CFAP61: variants seen among roughly 807,000 people sequenced by gnomAD.
CFAP61 encodes cilia- and flagella-associated protein 61.
A neutral mutation model predicts 135.6 loss-of-function variants in CFAP61; 107 were observed. The observed-to-expected ratio is 0.79, with a 90% CI of 0.67 to 0.93. CFAP61 has a LOEUF of 0.93. CFAP61 is among the 40% of genes least tolerant of loss of function. CFAP61 has a pLI of 0.00. For synonymous variants in CFAP61, 575 were observed against 578.5 expected (o/e 0.99, Z 0.09); for missense variants, 1,507 against 1,556.2 (o/e 0.97, Z 0.53).
chr20:20,237,119 A>T (rs1355001377), intron 18 of CFAP61, among the ~76,000 whole-genome samples: 1 of 152,060 alleles, frequency 6.6e-6, no homozygotes. Context: ...GTAAGGATTT[A>T]TGTGTTTATT....
At chr20:20,105,029 G>C (rs1252240332) in intron 8 of CFAP61, among the ~76,000 whole-genome samples, 1 of 152,112 alleles carries the variant, frequency 6.6e-6, no homozygotes, top group East Asian at 1.9e-4. Flanking sequence ...GGGGTGGGAG[G>C]AGGCACACTA....
chr20:20,315,925 G>T (rs2057108746), intron 25 of CFAP61, among the ~76,000 whole-genome samples: 1 of 152,146 alleles, frequency 6.6e-6, no homozygotes, highest in South Asian at 2.1e-4. Context: ...GTACCATGCT[G>T]TTTTGGTTAC....
In CFAP61 at chr20:20,070,934, A is replaced by G; in HGVS notation, c.224A>G (p.Asn75Ser). Residue 75 changes from asparagine (N) to serine (S), a missense_variant, in exon 3 of 27, where the codon AAC (asparagine) becomes AGC (serine). Asn to Ser is a conservative substitution (Grantham distance 46). Coordinates refer to ENST00000245957, the MANE Select transcript of CFAP61 (RefSeq NM_015585.4). ...MAQATFLDYP[N>S]WNVAKQDDWV... is the part of the protein sequence containing the mutation. ...CAGGCCACCTTCCTGGACTACCCCAACTGGAATGTTGCCAAGCAGGATGAC... is the reference window on the plus strand; with the variant it reads ...CAGGCCACCTTCCTGGACTACCCCAGCTGGAATGTTGCCAAGCAGGATGAC... 1 of 1,614,146 alleles carries G rather than the reference A, an allele frequency of 6.2e-7. No individual in the cohort carries two copies. Among genetic ancestry groups the G allele is most frequent in the African/African-American group, 1.3e-5 (1 of 75,076 alleles).
chr20:20,150,631 A>C (rs1443114715), intron 9 of CFAP61, among the ~76,000 whole-genome samples: 1 of 152,124 alleles, frequency 6.6e-6, no homozygotes, highest in Admixed American at 6.5e-5. Context: ...ATCTACAACC[A>C]AGGACTCTCA....
chr20:20,180,353 A>G (rs1306686334), intron 13 of CFAP61, among the ~76,000 whole-genome samples: 2 of 151,630 alleles, frequency 1.3e-5, no homozygotes, highest in African/African-American at 2.4e-5. Flanking sequence ...AAAACTGGGC[A>G]CAGAACGTGA....
In CFAP61 at chr20:20,252,531, A is replaced by G. The variant is rs964039673; in HGVS notation, c.2328+768A>G. The stretch of plus-strand genomic sequence containing the variant: ...CAACACAAATTTGTAAACTTTCTTA[A>G]AACATTATGACTTTTTTTTTTGCAG... On this transcript the variant is annotated intron_variant, in intron 20 of 26. Coordinates refer to ENST00000245957, the MANE Select transcript of CFAP61 (RefSeq NM_015585.4). Among the ~76,000 whole-genome samples the G allele has an allele frequency of 2.6e-5, 4 of 151,386 alleles. No homozygotes were observed. In the Admixed American group the frequency reaches 2.7e-4, roughly 10 times the overall value.
intron 22 of CFAP61, among the ~76,000 whole-genome samples, chr20:20,280,638 G>T (rs2054135936): frequency 6.6e-6 from 1 of 152,096 alleles, no homozygotes; most frequent in Non-Finnish European, 1.5e-5. Flanking sequence ...GTATTCCATT[G>T]TATGGATATA....
intron 20 of CFAP61, among the ~76,000 whole-genome samples, chr20:20,257,871 A>C (rs559751973): frequency 1.4e-4 from 21 of 152,342 alleles, no homozygotes; most frequent in African/African-American, 5.0e-4. Context: ...GGAGAAACCC[A>C]AGAGTACTAT....
chr20:20,158,537 C>A (rs2053140238), intron 9 of CFAP61, among the ~76,000 whole-genome samples: 1 of 152,120 alleles, frequency 6.6e-6, no homozygotes, highest in Non-Finnish European at 1.5e-5. Flanking sequence ...GTAAGTGCAT[C>A]CACACCAGGA....
intron 8 of CFAP61, among the ~76,000 whole-genome samples, chr20:20,111,612 T>C (rs1453871136): frequency 1.3e-5 from 2 of 152,184 alleles, no homozygotes; most frequent in Admixed American, 1.3e-4. Context: ...CAGATTCTCA[T>C]TGAAACTATG....
chr20:20,317,202 G>A (rs1214773528), intron 25 of CFAP61, among the ~76,000 whole-genome samples: 1 of 151,936 alleles, frequency 6.6e-6, no homozygotes, highest in African/African-American at 2.4e-5. Context: ...ATTCCTCTAA[G>A]CCTTGTTTCC....
intron 10 of CFAP61, among the ~76,000 whole-genome samples, chr20:20,161,122 G>A (rs1489619424): frequency 2.0e-5 from 3 of 152,186 alleles, no homozygotes; most frequent in Middle Eastern, 3.2e-3. Context: ...CACACTAGGA[G>A]ACTCACTGAC....
chr20:20,260,409 CTAAT>C (rs1332458494), intron 20 of CFAP61, among the ~76,000 whole-genome samples: 3 of 152,180 alleles, frequency 2.0e-5, no homozygotes, highest in African/African-American at 7.2e-5. Flanking sequence ...AGATCGTTTT[CTAAT>C]TAATTGATGT....
intron 18 of CFAP61, among the ~76,000 whole-genome samples, chr20:20,243,212 G>A (rs546901906): frequency 9.9e-5 from 15 of 152,230 alleles, no homozygotes; most frequent in African/African-American, 3.6e-4. Context: ...GATCTCGTGA[G>A]ACTAATTCAC....
intron 9 of CFAP61, among the ~76,000 whole-genome samples, chr20:20,145,712 A>G: frequency 6.6e-6 from 1 of 152,224 alleles, no homozygotes; most frequent in East Asian, 1.9e-4. Context: ...CACTAATCAA[A>G]AGTTAGCTGG....
chr20:20,284,025 C>T (rs796532820), intron 22 of CFAP61, among the ~76,000 whole-genome samples: 18 of 152,296 alleles, frequency 1.2e-4, no homozygotes, highest in African/African-American at 4.3e-4. Context: ...TTGGGAACCA[C>T]CTTAGACTTC....
intron 24 of CFAP61, among the ~76,000 whole-genome samples, chr20:20,297,904 A>G (rs889725886): frequency 6.6e-6 from 1 of 152,226 alleles, no homozygotes; most frequent in Non-Finnish European, 1.5e-5. Flanking sequence ...GGTGTGCAGT[A>G]TTAATAAAGG....
At chr20:20,130,527 T>A (rs1384855953) in intron 8 of CFAP61, among the ~76,000 whole-genome samples, 1 of 151,856 alleles carries the variant, frequency 6.6e-6, no homozygotes, top group Non-Finnish European at 1.5e-5. Flanking sequence ...CCCTCTGGCT[T>A]GTTTTTTATT....
intron 2 of CFAP61, among the ~76,000 whole-genome samples, chr20:20,066,528 G>C (rs1223398258): frequency 1.3e-5 from 2 of 152,152 alleles, no homozygotes; most frequent in Admixed American, 6.5e-5. Flanking sequence ...TCCTTTGCAG[G>C]GACATGGATG....
Sources: allele counts gnomAD v4.1 joint callset (sites outside exome capture counted in the v4.1 genomes callset), GRCh38; gene constraint gnomAD v4.1.1; transcripts MANE v1.5; gene names NCBI Gene and HGNC (gene_info 2026-07-23, HGNC 2026-07-21).